Variants in NTRK2 observed in about 807,000 individuals in gnomAD.
NTRK2 encodes the protein BDNF/NT-3 growth factors receptor.
Under a neutral mutation model 94.5 loss-of-function variants are expected in NTRK2, and 13 were observed. That is an observed-to-expected ratio of 0.14 (90% CI 0.09 to 0.22). The LOEUF is 0.22. Among genes scored for constraint, NTRK2 ranks in the 10% least tolerant of loss-of-function variants. The pLI is 1.00. For missense variants in NTRK2, 639 were observed against 1,071.2 expected (o/e 0.60, Z 5.63); for synonymous variants, 372 against 407.4 (o/e 0.91, Z 1.05).
chr9:85,006,256 C>T (rs1830941501), intron 17 of NTRK2, among the ~76,000 whole-genome samples: 1 of 152,210 alleles, frequency 6.6e-6, no homozygotes, highest in Non-Finnish European at 1.5e-5. Context: ...CTTCTCCTGA[C>T]ATGAGTTACT....
At chr9:84,840,180 A>G (rs570016533) in intron 12 of NTRK2, among the ~76,000 whole-genome samples, 1 of 151,076 alleles carries the variant, frequency 6.6e-6, no homozygotes, top group Non-Finnish European at 1.5e-5. Context: ...TCATGCTCTC[A>G]TGTGAACATT....
intron 9 of NTRK2, among the ~76,000 whole-genome samples, chr9:84,729,286 A>G (rs1187217899): frequency 6.6e-6 from 1 of 152,258 alleles, no homozygotes; most frequent in African/African-American, 2.4e-5. Context: ...TTTGATTTAT[A>G]AACAGTAGCC....
chr9:84,731,270 A>G lies in NTRK2; in HGVS notation c.1159+3311A>G, dbSNP rs559931614. Among the ~76,000 whole-genome samples the G allele has an allele frequency of 2.0e-4, 30 of 152,124 alleles. No homozygotes were observed. The South Asian group carries it at 6.0e-3, about 31-fold the overall frequency. On this transcript the variant is annotated intron_variant, in intron 9 of 18. Coordinates refer to ENST00000277120, the MANE Select transcript of NTRK2 (RefSeq NM_006180.6). ...AGCAACATGGCAAAACCCCTTCTCT[A>G]CAAAAAAAATACAAGAATTAGCTGG... is the stretch of plus-strand genomic sequence containing the variant.
intron 12 of NTRK2, among the ~76,000 whole-genome samples, chr9:84,775,221 C>T (rs1291577203): frequency 2.6e-5 from 4 of 152,260 alleles, no homozygotes; most frequent in African/African-American, 9.6e-5. Context: ...CTAGAGGCAC[C>T]TGCTCCTCTC....
At chr9:84,675,397 T>A (rs564055095) in intron 2 of NTRK2, among the ~76,000 whole-genome samples, 1 of 146,170 alleles carries the variant, frequency 6.8e-6, no homozygotes, top group Non-Finnish European at 1.5e-5. Context: ...TCATTGGTCA[T>A]CTTGCCTGCT....
At chr9:84,686,610 CAA>C (rs2059730664) in intron 2 of NTRK2, among the ~76,000 whole-genome samples, 1 of 152,174 alleles carries the variant, frequency 6.6e-6, no homozygotes, top group African/African-American at 2.4e-5. Flanking sequence ...TCATTTTTCT[CAA>C]AGAATTGCAA....
intron 12 of NTRK2, among the ~76,000 whole-genome samples, chr9:84,835,426 A>G (rs1459819620): frequency 6.6e-6 from 1 of 152,160 alleles, no homozygotes; most frequent in East Asian, 1.9e-4. Flanking sequence ...TCTTTGGAAC[A>G]GAGAGTTTCT....
At chr9:84,929,411 A>G (rs2077942303) in intron 14 of NTRK2, among the ~76,000 whole-genome samples, 1 of 152,114 alleles carries the variant, frequency 6.6e-6, no homozygotes, top group Non-Finnish European at 1.5e-5. Context: ...TTGGTGGTGT[A>G]TTTCCTATAG....
chr9:84,813,776 A>G lies in NTRK2; in HGVS notation c.1397-47264A>G, dbSNP rs202062187. On this transcript the variant is annotated intron_variant, in intron 12 of 18. Coordinates refer to ENST00000277120, the MANE Select transcript of NTRK2 (RefSeq NM_006180.6). ...CACTAATTTCTTTTCAACAGCGCTC[A>G]TGTCTCTTGGCCCAGTCAGGTGCTG... The G allele has an allele frequency of 2.5e-5, 27 of 1,065,660 alleles. No homozygotes were observed. The African/African-American group carries it at 4.3e-4, about 17-fold the overall frequency. The allele number at this position is 1,065,660 out of a possible 1,614,324, so 66.0% of individuals were successfully genotyped here.
chr9:85,006,530 C>T (rs1830979317), intron 17 of NTRK2, among the ~76,000 whole-genome samples: 1 of 152,176 alleles, frequency 6.6e-6, no homozygotes, highest in South Asian at 2.1e-4. Flanking sequence ...GACAAGGAGG[C>T]TGCTGTGGTT....
At chr9:84,932,089 A>G (rs2078057639) in intron 14 of NTRK2, among the ~76,000 whole-genome samples, 1 of 152,228 alleles carries the variant, frequency 6.6e-6, no homozygotes. Flanking sequence ...TCGGGGGGAA[A>G]GAAAAATCCC....
chr9:84,758,646 C>T (rs1210077044), intron 12 of NTRK2, among the ~76,000 whole-genome samples: 1 of 152,184 alleles, frequency 6.6e-6, no homozygotes, highest in Non-Finnish European at 1.5e-5. Context: ...CCGCCTCAGC[C>T]TCCCAAAGTG....
chr9:84,873,909 G>C (rs201246086), intron 14 of NTRK2: 31 of 1,062,740 alleles, frequency 2.9e-5, no homozygotes, highest in Non-Finnish European at 3.4e-5. Flanking sequence ...GGGAGACAGA[G>C]TGATATTCTG....
intron 14 of NTRK2, chr9:84,877,574 T>C: frequency 5.6e-6 from 6 of 1,066,240 alleles, no homozygotes; most frequent in Non-Finnish European, 6.8e-6. Context: ...TGCACTGGTC[T>C]CAACCATTCA....
intron 12 of NTRK2, among the ~76,000 whole-genome samples, chr9:84,776,727 G>A (rs1367561133): frequency 6.6e-6 from 1 of 152,212 alleles, no homozygotes; most frequent in Admixed American, 6.5e-5. Context: ...AACCCCATGA[G>A]TGTGAGGCAG....
At chr9:85,008,856 C>T (rs1831260901) in intron 17 of NTRK2, among the ~76,000 whole-genome samples, 1 of 152,194 alleles carries the variant, frequency 6.6e-6, no homozygotes, top group African/African-American at 2.4e-5. Flanking sequence ...AACGCTATCG[C>T]CTGAATGTTT....
At chr9:84,913,876 T>G (rs1316331144) in intron 14 of NTRK2, among the ~76,000 whole-genome samples, 1 of 151,778 alleles carries the variant, frequency 6.6e-6, no homozygotes, top group East Asian at 1.9e-4. Context: ...ATTATTATTA[T>G]TATTATTTTT....
At chr9:84,788,190 C>T (rs917655068) in intron 12 of NTRK2, among the ~76,000 whole-genome samples, 19 of 151,874 alleles carry the variant, frequency 1.3e-4, no homozygotes, top group Non-Finnish European at 1.9e-4. Context: ...TTGATCTTGG[C>T]GATCCAAAGC....
intron 12 of NTRK2, among the ~76,000 whole-genome samples, chr9:84,775,011 T>C (rs78068655): frequency 0.018 from 2,809 of 152,358 alleles, 83 homozygotes; most frequent in African/African-American, 0.064. Flanking sequence ...TTTCTTTTAT[T>C]TCCGAGCCTT....
Sources: gnomAD v4.1 joint callset for allele counts (sites outside exome capture counted in the v4.1 genomes callset) on GRCh38, gnomAD v4.1.1 for gene constraint, MANE v1.5 for transcripts, NCBI Gene and HGNC (gene_info 2026-07-23, HGNC 2026-07-21) for gene names.